The following RPGRIP1 variants were observed in gnomAD, a reference collection of about 807,000 sequenced individuals.
The protein encoded by RPGRIP1 is RPGR interacting protein 1.
In RPGRIP1, 128 loss-of-function variants were observed where a neutral mutation model predicts 157.9. The ratio of observed to expected loss-of-function variants is 0.81; its 90% CI spans 0.70 to 0.94. The LOEUF (loss-of-function observed/expected upper bound fraction) is 0.94. Ranked by LOEUF, RPGRIP1 falls within the 40% of genes least tolerant of loss-of-function variation. The pLI is 0.00. For missense variants in RPGRIP1, 1,486 were observed against 1,545.8 expected (o/e 0.96, Z 0.65); for synonymous variants, 554 against 571.6 (o/e 0.97, Z 0.44).
rs1885769216 is a variant in RPGRIP1, at chr14:21,348,282, T to G, written c.3728T>G (p.Ile1243Ser). Residue 1243 changes from isoleucine (I) to serine (S), a missense_variant, in exon 24 of 25, where the codon ATT becomes AGT. Coordinates refer to ENST00000400017, the MANE Select transcript of RPGRIP1 (RefSeq NM_020366.4). ...LWQILESGRD[I>S]LEQELDIVSP... Reference sequence around the variant, plus strand: ...CAGATCCTGGAGTCAGGAAGAGATATTCTAGAGCAAGAGCTAGACAGTGAG... The same window carrying G: ...CAGATCCTGGAGTCAGGAAGAGATAGTCTAGAGCAAGAGCTAGACAGTGAG... 2 of 1,584,980 alleles carry G rather than the reference T, an allele frequency of 1.3e-6. No homozygotes were observed. Among genetic ancestry groups the G allele is most frequent in the South Asian group, 2.4e-5 (2 of 84,730 alleles).
At chr14:21,331,142 T>C (rs1354584749) in intron 20 of RPGRIP1, among the ~76,000 whole-genome samples, 4 of 151,398 alleles carry the variant, frequency 2.6e-5, no homozygotes, top group Admixed American at 6.6e-5. Context: ...CTTCTGACCT[T>C]AGGTGATCCG....
At chr14:21,304,783 G>T (rs1881226386) in intron 6 of RPGRIP1, among the ~76,000 whole-genome samples, 1 of 151,630 alleles carries the variant, frequency 6.6e-6, no homozygotes, top group South Asian at 2.1e-4. Flanking sequence ...TTACATTAGG[G>T]TTCATTCTTG....
rs1489919189 is a variant in RPGRIP1 at position 21,338,447 on chromosome 14, A to T, written c.3339+3742A>T. Among the ~76,000 whole-genome samples the T allele has an allele frequency of 3.3e-5, 5 of 152,312 alleles. No homozygotes were observed. The South Asian group carries it at 6.2e-4, about 19-fold the overall frequency. ...GGTGGCACATCTGAGCTAATAAGCC[A>T]AAGGGTGTTATCTGGCACTAATCCT... On this transcript the variant is annotated intron_variant, in intron 21 of 24. Transcript: ENST00000400017.
chr14:21,329,573 C>T lies in RPGRIP1; in HGVS notation c.3100-676C>T, dbSNP rs568546013. Among the ~76,000 whole-genome samples the T allele has an allele frequency of 1.1e-3, 168 of 148,680 alleles. 2 individuals are homozygous for T. Among genetic ancestry groups the T allele is most frequent in the African/African-American group, 4.0e-3 (162 of 40,670 alleles). On this transcript the variant is annotated intron_variant, in intron 19 of 24. Coordinates refer to ENST00000400017, the MANE Select transcript of RPGRIP1 (RefSeq NM_020366.4). ...CCAGAGTGCAATGGCATGACCTCGG[C>T]TCACTGCAACCTCCGCCTCCCAGGT...
Position 21,321,569 on chromosome 14 carries a change from A to G in RPGRIP1, c.1611+167A>G. 9.6e-6 allele frequency: 13 copies of G among 1,347,810 alleles called. No homozygotes were observed. In the South Asian group the frequency reaches 2.2e-4, roughly 22 times the overall value. The allele number at this position is 1,347,810 out of a possible 1,614,324, so 83.5% of individuals were successfully genotyped here. ...CTTTGAAGAACTTGAGGACTCACAC[A>G]TGCCCACGGCACCTTGGCACTAGGA... On this transcript the variant is annotated intron_variant, in intron 13 of 24. Coordinates refer to ENST00000400017, the MANE Select transcript of RPGRIP1 (RefSeq NM_020366.4).
intron 24 of RPGRIP1, 67 bp downstream of exon 24, chr14:21,348,369 T>C (rs1308798159): frequency 8.4e-7 from 1 of 1,195,082 alleles, no homozygotes; most frequent in African/African-American, 1.6e-5. Context: ...ATATATTTTA[T>C]CTTCAATACA....
In RPGRIP1 at chr14:21,294,695, A is replaced by G. The variant is rs761540112; in HGVS notation, c.104A>G (p.Gln35Arg). ...PASKGKNMKT[Q>R]PPLSRMNREE... is the part of the protein sequence containing the mutation. Reference sequence around the variant, plus strand: ...ACTTTAGGTAAGAATATGAAAACTCAACCACCCTTGAGCAGGATGAACCGG... The same window carrying G: ...ACTTTAGGTAAGAATATGAAAACTCGACCACCCTTGAGCAGGATGAACCGG... Residue 35 changes from glutamine (Q) to arginine (R), a missense_variant, in exon 3 of 25, where the codon CAA (glutamine) becomes CGA (arginine). Gln to Arg is a conservative substitution (Grantham distance 43, BLOSUM62 1). Transcript: ENST00000400017. The G allele has an allele frequency of 6.2e-7, 1 of 1,613,550 alleles. No individual in the cohort carries two copies.
chr14:21,294,675 A>T lies in RPGRIP1; in HGVS notation c.86-2A>T. 6.2e-7 allele frequency: 1 copy of T among 1,612,864 alleles called. No individual in the cohort carries two copies. Among genetic ancestry groups the T allele is most frequent in the Non-Finnish European group, 8.5e-7 (1 of 1,179,406 alleles). ...TCCATTTACTGTTTTCTGGGACTTT[A>T]GGTAAGAATATGAAAACTCAACCAC... On this transcript the variant is annotated splice_acceptor_variant, in intron 2 of 24. Coordinates refer to ENST00000400017, the MANE Select transcript of RPGRIP1 (RefSeq NM_020366.4). LOFTEE classifies it high-confidence loss of function.
Position 21,327,751 on chromosome 14 carries a change from A to G in RPGRIP1, c.2839A>G (p.Thr947Ala). Residue 947 changes from threonine to alanine, a missense_variant, in exon 18 of 25, where the codon ACC becomes GCC. Thr to Ala is a moderately conservative substitution (Grantham distance 58, BLOSUM62 0). Transcript: ENST00000400017. ...AGAAGCTCAGACTAAGGGGAAGGAT[A>G]CCAAGGACAGTTCAAAGATCTCATC... Reference protein sequence around the residue: ...KPEAQTKGKDTKDSSKISSEE... With the variant: ...KPEAQTKGKDAKDSSKISSEE... 6.2e-7 allele frequency: 1 copy of G among 1,613,472 alleles called. No individual in the cohort carries two copies. The highest frequency in any genetic ancestry group is 1.1e-5 in the South Asian group (1 of 91,014).
In RPGRIP1 at chr14:21,327,688, A is replaced by T. The variant is rs1883253921; in HGVS notation, c.2776A>T (p.Lys926Ter). 1 of 1,613,954 alleles carries T rather than the reference A, an allele frequency of 6.2e-7. No homozygotes were observed. Among genetic ancestry groups the T allele is most frequent in the Non-Finnish European group, 8.5e-7 (1 of 1,179,856 alleles). The change falls in exon 18 of 25, where the codon AAG (lysine) becomes TAG (stop). Residue 926 changes from lysine (K) to a stop codon, truncating the protein, a stop_gained. Transcript: ENST00000400017. LOFTEE classifies it high-confidence loss of function. ...NGSIQVQLDW[K>*]FPYIPPESFL... ...ATCTATTCAAGTGCAACTGGATTGG[A>T]AGTTTCCCTACATACCCCCTGAGAG...
intron 14 of RPGRIP1, chr14:21,324,102 C>A (rs1882787910): frequency 5.9e-6 from 1 of 168,256 alleles, no homozygotes; most frequent in Non-Finnish European, 1.3e-5. Context: ...TATGTTGAAA[C>A]CAAATTCTGA....
intron 11 of RPGRIP1, among the ~76,000 whole-genome samples, chr14:21,318,449 G>A (rs953617833): frequency 4.0e-5 from 6 of 151,606 alleles, no homozygotes; most frequent in African/African-American, 1.5e-4. Context: ...TAAACGTTCA[G>A]TTTATTGAAA....
chr14:21,292,950 T>A (rs1204396784), intron 2 of RPGRIP1, among the ~76,000 whole-genome samples: 1 of 150,844 alleles, frequency 6.6e-6, no homozygotes, highest in East Asian at 2.0e-4. Flanking sequence ...ATGGAGACCA[T>A]CCTGGCCAAC....
chr14:21,292,122 A>G (rs978532024), intron 2 of RPGRIP1, among the ~76,000 whole-genome samples: 1 of 151,890 alleles, frequency 6.6e-6, no homozygotes, highest in African/African-American at 2.4e-5. Flanking sequence ...AAACTCCTGA[A>G]CTCAAGCTGT....
intron 24 of RPGRIP1, among the ~76,000 whole-genome samples, chr14:21,349,913 A>G (rs1457989821): frequency 6.6e-6 from 1 of 152,158 alleles, no homozygotes; most frequent in Non-Finnish European, 1.5e-5. Flanking sequence ...TACCTTACAT[A>G]GCTGGGATGT....
At position 21,345,118 on chromosome 14, in the gene RPGRIP1, G is replaced by A. The variant is rs1395146301; in HGVS notation, c.3538G>A (p.Asp1180Asn). Residue 1180 changes from aspartate to asparagine, a missense_variant, in exon 23 of 25, where the codon GAC becomes AAC. Asp to Asn is a conservative substitution (Grantham distance 23, BLOSUM62 1). Coordinates refer to ENST00000400017, the MANE Select transcript of RPGRIP1 (RefSeq NM_020366.4). The stretch of plus-strand genomic sequence containing the variant: ...TTCTCTTACCCTTAATACAGTAATA[G>A]ACCTGGACCCACAGGAGCAGCAAGG... ...EIHFHFSKVI[D>N]LDPQEQQGRR... 1 of 1,610,614 alleles carries A rather than the reference G, an allele frequency of 6.2e-7. No individual in the cohort carries two copies. Among genetic ancestry groups the A allele is most frequent in the East Asian group, 2.2e-5 (1 of 44,840 alleles).
Position 21,317,844 on chromosome 14 carries a change from G to C in RPGRIP1, c.1300G>C (p.Glu434Gln), listed in dbSNP as rs768685085. Residue 434 changes from glutamate to glutamine, a missense_variant, in exon 11 of 25, where the codon GAG becomes CAG. Transcript: ENST00000400017. ...KRKVLLELSREKAQNEDLKLE... is the reference protein window; with the variant it reads ...KRKVLLELSRQKAQNEDLKLE... ...AAAAGTTTTACTTGAGCTGTCCAGG[G>C]AGAAAGGTAGGCTGGACCTTGAAGA... 3.1e-6 allele frequency: 5 copies of C among 1,604,228 alleles called. No individual in the cohort carries two copies. In the South Asian group the frequency reaches 5.6e-5, roughly 18 times the overall value.
chr14:21,350,221 CA>C (rs748153102), intron 24 of RPGRIP1, among the ~76,000 whole-genome samples: 5 of 151,442 alleles, frequency 3.3e-5, no homozygotes, highest in Non-Finnish European at 7.4e-5. Context: ...ACTAAAAATA[CA>C]AAAAAAATTA....
At chr14:21,305,179 T>C (rs1881249132) in intron 6 of RPGRIP1, among the ~76,000 whole-genome samples, 1 of 152,212 alleles carries the variant, frequency 6.6e-6, no homozygotes, top group Non-Finnish European at 1.5e-5. Context: ...AGAATAGCTT[T>C]ACTCCCCCAA....
Sources: gnomAD v4.1 joint callset for allele counts (sites outside exome capture counted in the v4.1 genomes callset) on GRCh38, gnomAD v4.1.1 for gene constraint, MANE v1.5 for transcripts, NCBI Gene and HGNC (gene_info 2026-07-23, HGNC 2026-07-21) for gene names.